Variants in JAK1 observed in about 807,000 individuals in gnomAD.
JAK1 encodes the protein Janus kinase 1.
A neutral mutation model predicts 136.6 loss-of-function variants in JAK1; 16 were observed. The observed-to-expected ratio is 0.12, with a 90% confidence interval of 0.08 to 0.18. The LOEUF (loss-of-function observed/expected upper bound fraction) is 0.18, where lower values mean the gene tolerates loss of function less well. Ranked by LOEUF, JAK1 falls within the 10% of genes least tolerant of loss-of-function variation. JAK1 has a pLI of 1.00. For missense variants in JAK1, 859 were observed against 1,450.1 expected, an observed-to-expected ratio of 0.59 and a Z score of 6.62; for synonymous variants, 492 against 519.5, an observed-to-expected ratio of 0.95 and a Z score of 0.72.
At chr1:65,040,229 A>G (rs867272026) in intron 2 of JAK1, among the ~76,000 whole-genome samples, 3 of 151,974 alleles carry the variant, frequency 2.0e-5, no homozygotes, top group Non-Finnish European at 2.9e-5. Context: ...AAAAAAAAAA[A>G]AGAAGTCTGA....
intron 11 of JAK1, 78 bp from the exon 12 acceptor site, chr1:64,850,988 G>T: frequency 2.0e-6 from 2 of 981,980 alleles, no homozygotes; most frequent in Non-Finnish European, 3.2e-6. Flanking sequence ...GCTGAGCCGG[G>T]GCCGTGGGAC....
intron 2 of JAK1, among the ~76,000 whole-genome samples, chr1:65,011,530 T>C (rs889776628): frequency 6.6e-6 from 1 of 152,084 alleles, no homozygotes; most frequent in Admixed American, 6.6e-5. Flanking sequence ...TTCATTGAAA[T>C]AGTTACTTAG....
At chr1:65,007,464 G>A (rs1237374666) in intron 2 of JAK1, among the ~76,000 whole-genome samples, 2 of 151,960 alleles carry the variant, frequency 1.3e-5, no homozygotes. Flanking sequence ...GTTTTGTTTT[G>A]TTTTGTTTTT....
chr1:65,035,610 T>C (rs1330397543), intron 2 of JAK1, among the ~76,000 whole-genome samples: 2 of 152,192 alleles, frequency 1.3e-5, no homozygotes, highest in Non-Finnish European at 1.5e-5. Context: ...AAATAATGTA[T>C]GAGAGTGTTC....
intron 1 of JAK1, among the ~76,000 whole-genome samples, chr1:64,900,879 T>C (rs1645094577): frequency 6.6e-6 from 1 of 152,210 alleles, no homozygotes; most frequent in Non-Finnish European, 1.5e-5. Flanking sequence ...GCAGTTCCTG[T>C]AATCCAGCAT....
chr1:64,873,224 G>T, intron 5 of JAK1, 146 bp downstream of exon 5: 1 of 829,572 alleles, frequency 1.2e-6, no homozygotes, highest in Non-Finnish European at 1.9e-6. Flanking sequence ...CTCACTTGGG[G>T]CAAGTCCAGG....
chr1:64,867,904 C>T (rs1292044494), intron 6 of JAK1, among the ~76,000 whole-genome samples: 1 of 152,026 alleles, frequency 6.6e-6, no homozygotes, highest in East Asian at 1.9e-4. Context: ...GCAGGAGAAT[C>T]GCTTGAACCT....
chr1:64,915,487 C>A (rs969890312), intron 1 of JAK1, among the ~76,000 whole-genome samples: 4 of 152,132 alleles, frequency 2.6e-5, no homozygotes, highest in Admixed American at 2.6e-4. Context: ...AGAAAGAGGG[C>A]CAGAGAAAGG....
intron 2 of JAK1, among the ~76,000 whole-genome samples, chr1:65,035,791 G>A (rs568579509): frequency 1.2e-4 from 18 of 152,244 alleles, no homozygotes; most frequent in East Asian, 3.9e-4. Context: ...AGAGCTGGCC[G>A]GACGCGGTGG....
At chr1:64,929,978 T>C (rs1645659650) in intron 1 of JAK1, among the ~76,000 whole-genome samples, 1 of 152,218 alleles carries the variant, frequency 6.6e-6, no homozygotes, top group African/African-American at 2.4e-5. Context: ...TGGCTAGCCA[T>C]ATGCAGAAAA....
At chr1:64,901,084 A>G (rs1645098532) in intron 1 of JAK1, among the ~76,000 whole-genome samples, 1 of 152,170 alleles carries the variant, frequency 6.6e-6, no homozygotes, top group East Asian at 1.9e-4. Flanking sequence ...GCTGTCTTTG[A>G]GCACCCTGAG....
intron 2 of JAK1, among the ~76,000 whole-genome samples, chr1:65,024,660 C>CAAAAAAAAAAAAAAA (rs11349903): frequency 2.2e-3 from 153 of 69,046 alleles, no homozygotes; most frequent in Non-Finnish European, 2.5e-3. Flanking sequence ...TGGTCCAAAG[C>CAAAAAAAAAAAAAAA]AAAAAAAAAA....
intron 1 of JAK1, among the ~76,000 whole-genome samples, chr1:64,902,404 G>A (rs912937513): frequency 1.3e-5 from 2 of 152,084 alleles, no homozygotes; most frequent in Admixed American, 6.5e-5. Context: ...GAGGATAAAG[G>A]ATAGAGGGAA....
chr1:64,909,757 G>A (rs905600048), intron 1 of JAK1, among the ~76,000 whole-genome samples: 5 of 152,184 alleles, frequency 3.3e-5, no homozygotes, highest in Admixed American at 2.0e-4. Flanking sequence ...CTGGGAGGTC[G>A]AGGCTGCAAT....
chr1:64,874,141 A>G (rs1426531972), intron 4 of JAK1, among the ~76,000 whole-genome samples: 1 of 152,196 alleles, frequency 6.6e-6, no homozygotes, highest in African/African-American at 2.4e-5. Context: ...TCTACAAGGA[A>G]GGTTTCATTC....
At chr1:65,058,023 T>C (rs898060906) in intron 1 of JAK1, among the ~76,000 whole-genome samples, 5 of 152,204 alleles carry the variant, frequency 3.3e-5, no homozygotes, top group Non-Finnish European at 5.9e-5. Context: ...GTTCAACATA[T>C]TGGGCTTTTT....
intron 1 of JAK1, among the ~76,000 whole-genome samples, chr1:64,925,755 A>G (rs1195400999): frequency 6.6e-6 from 1 of 152,226 alleles, no homozygotes; most frequent in Non-Finnish European, 1.5e-5. Context: ...ACAATGAGAC[A>G]TGGTATAAAT....
At chr1:64,973,033 T>TTACTTGAGCC (rs1184189754) in intron 2 of JAK1, 54 of 151,680 alleles carry the variant, frequency 3.6e-4, no homozygotes, top group African/African-American at 1.3e-3. Context: ...GGCAGGAGGA[T>TTACTTGAGCC]TACTTGAGCC....
intron 2 of JAK1, among the ~76,000 whole-genome samples, chr1:64,977,723 G>T (rs1646509699): frequency 1.3e-5 from 2 of 152,078 alleles, no homozygotes. Context: ...GAGCCACCGC[G>T]CCTGACCCTA....
Sources: gnomAD v4.1 joint callset for allele counts (sites outside exome capture counted in the v4.1 genomes callset) on GRCh38, gnomAD v4.1.1 for gene constraint, MANE v1.5 for transcripts, NCBI Gene and HGNC (gene_info 2026-07-23, HGNC 2026-07-21) for gene names.